Variants in FRMPD4 observed in about 807,000 individuals in gnomAD.
FRMPD4 encodes the protein FERM and PDZ domain containing 4, also known as FERM and PDZ domain-containing protein 4.
A neutral mutation model predicts 94.1 loss-of-function variants in FRMPD4; 22 were observed. That is an observed-to-expected ratio of 0.23 (90% CI 0.17 to 0.33). The LOEUF (loss-of-function observed/expected upper bound fraction) is 0.33. Among genes scored for constraint, FRMPD4 ranks in the 10% least tolerant of loss-of-function variants. The pLI, the probability that FRMPD4 is intolerant of heterozygous loss-of-function variation, is 1.00. For missense variants in FRMPD4, 1,111 were observed against 1,339.9 expected (o/e 0.83, Z 2.67); for synonymous variants, 631 against 548.6 (o/e 1.15, Z -2.10).
At chrX:12,054,748 C>G (rs926935140) in intron 3 of FRMPD4, 1 of 111,173 alleles carries the variant, frequency 9.0e-6, no homozygotes, top group Non-Finnish European at 1.9e-5. Context: ...AAATATTACT[C>G]CTGAAAAGCA....
chrX:12,577,992 G>A (rs1260175426), intron 2 of FRMPD4, among the ~76,000 whole-genome samples: 2 of 112,603 alleles, frequency 1.8e-5, no homozygotes, highest in African/African-American at 6.5e-5. Context: ...TCTAGGTGAA[G>A]GCCCGCTTTA....
chrX:11,916,011 G>A (rs975368184), intron 3 of FRMPD4, among the ~76,000 whole-genome samples: 4 of 112,125 alleles, frequency 3.6e-5, no homozygotes, highest in Admixed American at 9.5e-5. Context: ...ACCCAAAAGA[G>A]GCAGCAAATT....
At chrX:12,249,674 G>C (rs551656436) in intron 1 of FRMPD4, among the ~76,000 whole-genome samples, 1 of 111,681 alleles carries the variant, frequency 9.0e-6, no homozygotes, top group East Asian at 2.8e-4. Context: ...CTTTGAAAGT[G>C]TGTGCTTAAT....
intron 5 of FRMPD4, among the ~76,000 whole-genome samples, chrX:12,680,122 T>C (rs779314090): frequency 9.4e-4 from 106 of 112,377 alleles, no homozygotes; most frequent in African/African-American, 3.4e-3. Flanking sequence ...TCAAGCTATG[T>C]TCTAGTAACT....
At chrX:12,241,152 C>G (rs1430826449) in intron 1 of FRMPD4, among the ~76,000 whole-genome samples, 3 of 112,325 alleles carry the variant, frequency 2.7e-5, no homozygotes, top group Admixed American at 9.4e-5. Flanking sequence ...ATAGAAATTA[C>G]AAACATTTAT....
chrX:12,665,377 G>A (rs905970877), intron 4 of FRMPD4, among the ~76,000 whole-genome samples: 1 of 110,718 alleles, frequency 9.0e-6, no homozygotes, highest in Non-Finnish European at 1.9e-5. Flanking sequence ...CTGGGAGGCA[G>A]AGCTTGCAGT....
intron 4 of FRMPD4, among the ~76,000 whole-genome samples, chrX:12,615,530 C>G (rs370740617): frequency 8.9e-6 from 1 of 111,752 alleles, no homozygotes; most frequent in Non-Finnish European, 1.9e-5. Flanking sequence ...TGGAGTTATA[C>G]CTCCTTAGTG....
chrX:12,598,268 T>C (rs2059051605), intron 2 of FRMPD4, among the ~76,000 whole-genome samples: 2 of 100,388 alleles, frequency 2.0e-5, no homozygotes, highest in Admixed American at 1.1e-4. Flanking sequence ...CATGAAAGAG[T>C]GAGATATGGT....
chrX:11,971,641 T>G (rs1406095477), intron 3 of FRMPD4, among the ~76,000 whole-genome samples: 2 of 112,463 alleles, frequency 1.8e-5, no homozygotes, highest in Admixed American at 9.4e-5. Context: ...CCAACATCTA[T>G]TCCACCTTTC....
rs183157144 is a variant in FRMPD4 at position 12,456,679 on chromosome X, T to C, written c.42-42001T>C. On this transcript the variant is annotated intron_variant, in intron 1 of 16. Coordinates refer to ENST00000675598, the MANE Select transcript of FRMPD4 (RefSeq NM_001368397.1). ...ATAAATGACAGATGAAAATAACTTA[T>C]TGTAAGATTCTTAAATAATTTTGGA... Among the ~76,000 whole-genome samples the C allele has an allele frequency of 2.1e-3, 233 of 113,104 alleles. 1 individual carries two copies. Among genetic ancestry groups the C allele is most frequent in the Non-Finnish European group, 2.8e-3 (152 of 53,381 alleles).
chrX:12,493,945 A>G (rs2057818186), intron 1 of FRMPD4, among the ~76,000 whole-genome samples: 1 of 112,015 alleles, frequency 8.9e-6, no homozygotes, highest in South Asian at 3.7e-4. Flanking sequence ...AGTTGTTATT[A>G]TTTCCATTTT....
At chrX:11,888,735 A>G (rs2053859148) in intron 3 of FRMPD4, among the ~76,000 whole-genome samples, 1 of 112,407 alleles carries the variant, frequency 8.9e-6, no homozygotes, top group African/African-American at 3.2e-5. Context: ...TTATGTTTAT[A>G]CTATAGTCTA....
At chrX:11,899,636 C>T (rs1303608955) in intron 3 of FRMPD4, among the ~76,000 whole-genome samples, 4 of 111,639 alleles carry the variant, frequency 3.6e-5, no homozygotes, top group Admixed American at 1.9e-4. Flanking sequence ...AGGACTATTA[C>T]GTGAAAAATT....
At chrX:12,308,331 G>T (rs1226819205) in intron 1 of FRMPD4, among the ~76,000 whole-genome samples, 1 of 112,080 alleles carries the variant, frequency 8.9e-6, no homozygotes, top group African/African-American at 3.2e-5. Context: ...GTTTTAGGAA[G>T]CTTGTTTTTG....
At chrX:12,243,665 C>T (rs1370933589) in intron 1 of FRMPD4, among the ~76,000 whole-genome samples, 1 of 108,562 alleles carries the variant, frequency 9.2e-6, no homozygotes, top group Non-Finnish European at 1.9e-5. Context: ...TTTTTTTTTC[C>T]ATGGAAGTTT....
chrX:11,845,530 GA>G (rs980386341), intron 1 of FRMPD4, among the ~76,000 whole-genome samples: 1 of 108,478 alleles, frequency 9.2e-6, no homozygotes, highest in Non-Finnish European at 1.9e-5. Flanking sequence ...CTCATTTTAT[GA>G]GGCCAGCATC....
At chrX:11,863,299 G>A (rs2053699339) in intron 1 of FRMPD4, among the ~76,000 whole-genome samples, 1 of 109,402 alleles carries the variant, frequency 9.1e-6, no homozygotes, top group Non-Finnish European at 1.9e-5. Context: ...GAGATAGTTT[G>A]CTGAGAATGA....
intron 1 of FRMPD4, among the ~76,000 whole-genome samples, chrX:11,823,614 C>T (rs761314440): frequency 7.2e-5 from 8 of 111,718 alleles, no homozygotes; most frequent in South Asian, 7.5e-4. Context: ...GCCAGCCATA[C>T]GGTGTGTGTT....
chrX:12,565,615 A>G (rs151312144), intron 2 of FRMPD4, among the ~76,000 whole-genome samples: 102 of 112,386 alleles, frequency 9.1e-4, no homozygotes, highest in African/African-American at 3.0e-3. Context: ...GGGAAAGACT[A>G]AGAAATTGTC....
Sources: gnomAD v4.1 joint callset for allele counts (sites outside exome capture counted in the v4.1 genomes callset) on GRCh38, gnomAD v4.1.1 for gene constraint, MANE v1.5 for transcripts, NCBI Gene and HGNC (gene_info 2026-07-23, HGNC 2026-07-21) for gene names.